Variants in KDM4D observed in about 807,000 individuals in gnomAD.
The protein encoded by KDM4D is lysine demethylase 4D.
For missense variants in KDM4D, 427 were observed against 674.8 expected (o/e 0.63, Z 4.07); for synonymous variants, 254 against 249.1 (o/e 1.02, Z -0.19).
At chr11:94,977,069 C>T (rs1481641223) in intron 2 of KDM4D, among the ~76,000 whole-genome samples, 1 of 149,424 alleles carries the variant, frequency 6.7e-6, no homozygotes, top group Non-Finnish European at 1.5e-5. Context: ...ATATAAAAAT[C>T]ACAAATTACC....
At chr11:94,994,369 A>AT in intron 2 of KDM4D, among the ~76,000 whole-genome samples, 1 of 152,178 alleles carries the variant, frequency 6.6e-6, no homozygotes. Flanking sequence ...GAAGCTTAGG[A>AT]GAGAGTCAGT....
chr11:94,986,027 C>A (rs1219121453), intron 2 of KDM4D, among the ~76,000 whole-genome samples: 9 of 152,112 alleles, frequency 5.9e-5, no homozygotes, highest in African/African-American at 2.2e-4. Context: ...AAAGCACAAG[C>A]AACAACAAAA....
rs931575137 is a variant in KDM4D at position 94,996,847 on chromosome 11, G to A, written c.-349-177G>A. Among the ~76,000 whole-genome samples the A allele has an allele frequency of 3.9e-5, 6 of 152,286 alleles. No homozygotes were observed. The East Asian group carries it at 1.2e-3, about 29-fold the overall frequency. The stretch of plus-strand genomic sequence containing the variant: ...GTGATTATAGTGCTTCATATTCTCT[G>A]TAGTAGGGTATGAAAATTCCCACTG... On this transcript the variant is annotated intron_variant, in intron 2 of 2. Coordinates refer to ENST00000335080, the MANE Select transcript of KDM4D (RefSeq NM_018039.3).
intron 2 of KDM4D, among the ~76,000 whole-genome samples, chr11:94,989,022 A>G (rs1393048635): frequency 2.0e-5 from 3 of 152,236 alleles, no homozygotes; most frequent in Non-Finnish European, 4.4e-5. Context: ...AATCTGATTC[A>G]GTACCAGATG....
intron 2 of KDM4D, among the ~76,000 whole-genome samples, chr11:94,995,597 T>G (rs117831992): frequency 1.3e-5 from 2 of 152,042 alleles, no homozygotes; most frequent in Non-Finnish European, 2.9e-5. Flanking sequence ...TAGCATAAAG[T>G]CAAAACTCAG....
intron 2 of KDM4D, among the ~76,000 whole-genome samples, chr11:94,981,714 G>A (rs1857844387): frequency 1.3e-5 from 2 of 151,792 alleles, no homozygotes; most frequent in South Asian, 2.1e-4. Context: ...TTGGTTATTT[G>A]TGCCTTCTAT....
Position 94,983,167 on chromosome 11 carries a change from A to G in KDM4D, c.-350+7419A>G, listed in dbSNP as rs184487035. Among the ~76,000 whole-genome samples, 4 of 152,216 alleles carry G rather than the reference A, an allele frequency of 2.6e-5. No individual in the cohort carries two copies. The East Asian group carries it at 5.8e-4, about 22-fold the overall frequency. ...AAATGTACAAATAAATAAATGGACCAGATGAAGAGTTTAGAAAGACATCTA... is the reference window on the plus strand; with the variant it reads ...AAATGTACAAATAAATAAATGGACCGGATGAAGAGTTTAGAAAGACATCTA... On this transcript the variant is annotated intron_variant, in intron 2 of 2. Coordinates refer to ENST00000335080, the MANE Select transcript of KDM4D (RefSeq NM_018039.3).
At chr11:94,984,980 T>A (rs913619740) in intron 2 of KDM4D, among the ~76,000 whole-genome samples, 5 of 152,158 alleles carry the variant, frequency 3.3e-5, no homozygotes, top group Non-Finnish European at 7.4e-5. Flanking sequence ...AGAACAGGAT[T>A]TAAGATTCAG....
rs782098638 is a variant in KDM4D at position 94,985,420 on chromosome 11, A to T, written c.-350+9672A>T. 6.6e-5 allele frequency among the ~76,000 whole-genome samples: 10 copies of T among 152,332 alleles called. No individual in the cohort carries two copies. In the East Asian group the frequency reaches 1.9e-3, roughly 29 times the overall value. ...AAAGAAGTGCAAGACATATACTGGG[A>T]ACTAGAAAATATTGTTAAGCTAAAT... On this transcript the variant is annotated intron_variant, in intron 2 of 2. Transcript: ENST00000335080.
At chr11:94,990,597 G>A (rs1857926490) in intron 2 of KDM4D, among the ~76,000 whole-genome samples, 1 of 152,160 alleles carries the variant, frequency 6.6e-6, no homozygotes, top group Non-Finnish European at 1.5e-5. Context: ...CAGGATTTTT[G>A]TTTTAAGAAA....
intron 2 of KDM4D, among the ~76,000 whole-genome samples, chr11:94,987,640 C>T (rs1315833654): frequency 2.6e-5 from 4 of 152,118 alleles, no homozygotes; most frequent in African/African-American, 9.7e-5. Flanking sequence ...AATAACTAGA[C>T]ATACGAGGAA....
chr11:94,992,024 T>C (rs782064072), intron 2 of KDM4D, among the ~76,000 whole-genome samples: 183 of 152,034 alleles, frequency 1.2e-3, no homozygotes, highest in Non-Finnish European at 2.2e-3. Flanking sequence ...ATTTCAAAAG[T>C]TAATAACCCC....
intron 2 of KDM4D, among the ~76,000 whole-genome samples, chr11:94,991,423 A>C (rs1555098664): frequency 6.6e-6 from 1 of 152,216 alleles, no homozygotes; most frequent in African/African-American, 2.4e-5. Context: ...ATGCAGGGAG[A>C]AAAACAAAAC....
chr11:94,975,350 C>T (rs1354016183), intron 1 of KDM4D, among the ~76,000 whole-genome samples: 4 of 152,202 alleles, frequency 2.6e-5, no homozygotes, highest in Middle Eastern at 3.4e-3. Flanking sequence ...AGACAGCATG[C>T]GAAGGTCATT....
At chr11:94,977,464 G>C (rs1555097108) in intron 2 of KDM4D, among the ~76,000 whole-genome samples, 1 of 152,028 alleles carries the variant, frequency 6.6e-6, no homozygotes, top group Non-Finnish European at 1.5e-5. Flanking sequence ...GCACACAGCT[G>C]CTCCTGCTTT....
chr11:94,997,336 G>T lies in KDM4D; in HGVS notation c.-37G>T, dbSNP rs1555099304. On this transcript the variant is annotated 5_prime_UTR_variant, in exon 3 of 3. Transcript: ENST00000335080. ...ATTTTCCTACATTGTCAACTATCTA[G>T]AACATACCTAAAAACTAAGAGTTTA... 2 of 1,528,098 alleles carry T rather than the reference G, an allele frequency of 1.3e-6. No individual in the cohort carries two copies. The highest frequency in any genetic ancestry group is 2.3e-5 in the East Asian group (1 of 44,298). The allele number at this position is 1,528,098 out of a possible 1,614,324, so 94.7% of individuals were successfully genotyped here.
At chr11:94,980,900 T>G (rs1555097486) in intron 2 of KDM4D, among the ~76,000 whole-genome samples, 2 of 152,164 alleles carry the variant, frequency 1.3e-5, no homozygotes, top group Non-Finnish European at 2.9e-5. Flanking sequence ...TCTGTTTTCC[T>G]TCTTTTTTCC....
chr11:94,991,902 GACAA>G (rs781920087), intron 2 of KDM4D, among the ~76,000 whole-genome samples: 31 of 151,500 alleles, frequency 2.0e-4, no homozygotes, highest in Non-Finnish European at 4.4e-5. Context: ...TTGATAGAGA[GACAA>G]ACAACCTAAA....
intron 2 of KDM4D, among the ~76,000 whole-genome samples, chr11:94,989,563 A>T: frequency 6.6e-6 from 1 of 152,122 alleles, no homozygotes; most frequent in East Asian, 1.9e-4. Context: ...CCAAGTCCCA[A>T]ACTTTGGGTT....
Sources: allele counts gnomAD v4.1 joint callset (sites outside exome capture counted in the v4.1 genomes callset), GRCh38; gene constraint gnomAD v4.1.1; transcripts MANE v1.5; gene names NCBI Gene and HGNC (gene_info 2026-07-23, HGNC 2026-07-21).